Variants in GABRR1 observed in about 807,000 individuals in gnomAD.
The protein encoded by GABRR1 is gamma-aminobutyric acid receptor subunit rho-1.
A neutral mutation model predicts 55.5 loss-of-function variants in GABRR1; 59 were observed. The observed-to-expected ratio is 1.06, with a 90% CI of 0.86 to 1.32. The LOEUF (loss-of-function observed/expected upper bound fraction) is 1.32. Ranked by LOEUF, GABRR1 falls within the 40% of genes most tolerant of loss-of-function variation. The pLI is 0.00. For missense variants in GABRR1, 602 were observed against 619.1 expected (o/e 0.97, Z 0.29); for synonymous variants, 213 against 226.0 (o/e 0.94, Z 0.51).
intron 3 of GABRR1, 25 bp downstream of exon 3, chr6:89,201,134 C>G (rs1772457657): frequency 6.5e-7 from 1 of 1,540,374 alleles, no homozygotes; most frequent in South Asian, 1.1e-5. Context: ...AGAAAGAGGA[C>G]ACCCTGAGAG....
At chr6:89,181,672 C>G (rs927883410) in intron 8 of GABRR1, among the ~76,000 whole-genome samples, 3 of 152,158 alleles carry the variant, frequency 2.0e-5, no homozygotes, top group Non-Finnish European at 4.4e-5. Flanking sequence ...ACGGCTTCGA[C>G]AAGACTAAAG....
chr6:89,213,774 A>G (rs9353655), intron 1 of GABRR1, among the ~76,000 whole-genome samples: 79,318 of 152,010 alleles, frequency 0.52, 21,104 homozygotes, highest in Middle Eastern at 0.6. Flanking sequence ...CAAAAAAGAC[A>G]AGAAGAAAAT....
At chr6:89,199,758 CT>C (rs1238839615) in intron 3 of GABRR1, among the ~76,000 whole-genome samples, 3 of 152,136 alleles carry the variant, frequency 2.0e-5, no homozygotes, top group African/African-American at 7.2e-5. Flanking sequence ...CTATATTTGC[CT>C]TCTGGTGTTG....
chr6:89,230,488 A>G (rs1460849094), intron 1 of GABRR1, among the ~76,000 whole-genome samples: 5 of 151,392 alleles, frequency 3.3e-5, no homozygotes, highest in African/African-American at 1.2e-4. Context: ...AACAGACAGG[A>G]CCCTCAGCTG....
chr6:89,187,520 A>G (rs1229035948), intron 6 of GABRR1, among the ~76,000 whole-genome samples: 1 of 152,188 alleles, frequency 6.6e-6, no homozygotes, highest in Admixed American at 6.5e-5. Context: ...ACATTACTAC[A>G]TAAACACAAC....
rs2127787729 is a variant in GABRR1 at position 89,178,900 on chromosome 6, T to C, written c.1310A>G (p.Gln437Arg). 6.2e-7 allele frequency: 1 copy of C among 1,614,204 alleles called. No individual in the cohort carries two copies. ...ATAGCTGCTTCTCTGACTTTTCCTC[T>C]GTGGGGAGCTCCTCTCTGAGGCCAG... ...LTLASERSSPQRKSQRSSYVS... is the reference protein window; with the variant it reads ...LTLASERSSPRRKSQRSSYVS... The change falls in exon 10 of 10, where the codon CAG becomes CGG. Residue 437 changes from glutamine to arginine, a missense_variant. Gln to Arg is a conservative substitution (Grantham distance 43). Around this residue, in one of 3 missense-constraint regions of GABRR1, gnomAD observed 139 missense variants for 141.1 expected, o/e 0.99. Coordinates refer to ENST00000454853, the MANE Select transcript of GABRR1 (RefSeq NM_002042.5).
intron 9 of GABRR1, among the ~76,000 whole-genome samples, chr6:89,179,595 C>G (rs753990448): frequency 6.6e-6 from 1 of 152,176 alleles, no homozygotes; most frequent in Non-Finnish European, 1.5e-5. Context: ...CAAAGACCAA[C>G]AAGAATGCTC....
Position 89,190,095 on chromosome 6 carries a change from C to T in GABRR1, c.655+70G>A, listed in dbSNP as rs1772038811. On this transcript the variant is annotated intron_variant, in intron 6 of 9. Coordinates refer to ENST00000454853, the MANE Select transcript of GABRR1 (RefSeq NM_002042.5). ...GAATAAGGAACACACACTGTTCCTGCAGCTGAGAGTTAGAGGTGTTGAGAA... is the reference window on the plus strand; with the variant it reads ...GAATAAGGAACACACACTGTTCCTGTAGCTGAGAGTTAGAGGTGTTGAGAA... The T allele has an allele frequency of 2.8e-6, 3 of 1,064,176 alleles. No homozygotes were observed. The Admixed American group carries it at 6.8e-5, about 24-fold the overall frequency. The allele number at this position is 1,064,176 out of a possible 1,614,324, so 65.9% of individuals were successfully genotyped here.
At chr6:89,185,710 C>A (rs1339299588) in intron 6 of GABRR1, among the ~76,000 whole-genome samples, 1 of 152,240 alleles carries the variant, frequency 6.6e-6, no homozygotes, top group Non-Finnish European at 1.5e-5. Flanking sequence ...GTTCACCCTA[C>A]AATTCAGCCT....
chr6:89,198,202 G>C lies in GABRR1; in HGVS notation c.390C>G (p.Asp130Glu). Reference sequence around the variant, plus strand: ...TGGTGCTTGGAAAAGACAGCCTCTCGTCCTTCCAGTAGTGCCTCAGGTAGA... The same window carrying C: ...TGGTGCTTGGAAAAGACAGCCTCTCCTCCTTCCAGTAGTGCCTCAGGTAGA... ...MTLYLRHYWK[D>E]ERLSFPSTNN... The change falls in exon 5 of 10, where the codon GAC becomes GAG. Residue 130 changes from aspartate to glutamate, a missense_variant. By Grantham distance (45) the Asp-to-Glu change is conservative (BLOSUM62 2). This residue lies in a region of GABRR1 where 435 missense variants were observed against 424.2 expected (regional missense o/e 1.03). Transcript: ENST00000454853. The C allele has an allele frequency of 1.2e-6, 2 of 1,614,050 alleles. No homozygotes were observed. Among genetic ancestry groups the C allele is most frequent in the Non-Finnish European group, 1.7e-6 (2 of 1,179,992 alleles).
chr6:89,203,911 G>C (rs935704419), intron 1 of GABRR1, among the ~76,000 whole-genome samples: 1 of 152,196 alleles, frequency 6.6e-6, no homozygotes, highest in African/African-American at 2.4e-5. Flanking sequence ...AGCCAAATGG[G>C]CACCGACAGG....
intron 2 of GABRR1, among the ~76,000 whole-genome samples, chr6:89,203,093 TTC>T (rs1235719926): frequency 6.6e-6 from 1 of 152,180 alleles, no homozygotes; most frequent in Non-Finnish European, 1.5e-5. Context: ...GGAAGTGTCC[TTC>T]TAAAGTGAGG....
chr6:89,204,702 A>T (rs1336156455), intron 1 of GABRR1: 1 of 1,266,456 alleles, frequency 7.9e-7, no homozygotes, highest in East Asian at 5.6e-5. Context: ...ATTCTAGCCA[A>T]GAGAAGACGG....
At chr6:89,214,897 T>G (rs1478924590) in intron 1 of GABRR1, among the ~76,000 whole-genome samples, 1 of 152,122 alleles carries the variant, frequency 6.6e-6, no homozygotes, top group East Asian at 1.9e-4. Flanking sequence ...GGCATGGTAG[T>G]GCACCTGTAG....
chr6:89,183,831 A>G (rs972774719), intron 7 of GABRR1, among the ~76,000 whole-genome samples: 10 of 152,216 alleles, frequency 6.6e-5, no homozygotes, highest in African/African-American at 2.2e-4. Context: ...AAAGGCATAC[A>G]GAGTGGTATA....
At chr6:89,190,285 T>G (rs747168698) in intron 5 of GABRR1, 38 bp from the exon 6 acceptor site, 20 of 1,480,750 alleles carry the variant, frequency 1.4e-5, no homozygotes, top group Non-Finnish European at 1.9e-5. Context: ...ATTCAGAGCC[T>G]GCAAAAGACG....
chr6:89,198,946 A>C (rs1250458634), intron 4 of GABRR1, among the ~76,000 whole-genome samples: 2 of 151,594 alleles, frequency 1.3e-5, no homozygotes, highest in African/African-American at 4.8e-5. Context: ...AGAATGTTGC[A>C]CTTTTTATCT....
At chr6:89,223,771 T>G (rs1332321276) in intron 1 of GABRR1, among the ~76,000 whole-genome samples, 7 of 151,948 alleles carry the variant, frequency 4.6e-5, no homozygotes, top group Admixed American at 2.0e-4. Context: ...TTGTGGGTTT[T>G]TTTTTTTTTT....
At chr6:89,189,947 G>A (rs535554142) in intron 6 of GABRR1, among the ~76,000 whole-genome samples, 24 of 152,222 alleles carry the variant, frequency 1.6e-4, no homozygotes, top group African/African-American at 5.3e-4. Flanking sequence ...TCGGGAGGCT[G>A]AGGCAGGAGA....
Sources: gnomAD v4.1 joint callset for allele counts (sites outside exome capture counted in the v4.1 genomes callset) on GRCh38, gnomAD v4.1.1 for gene constraint, gnomAD v4.1.1 regional missense constraint, MANE v1.5 for transcripts, NCBI Gene and HGNC (gene_info 2026-07-23, HGNC 2026-07-21) for gene names.